ANTXR1: variants seen among roughly 807,000 people sequenced by gnomAD.
ANTXR1 encodes anthrax toxin receptor 1.
In ANTXR1, 19 loss-of-function variants were observed where a neutral mutation model predicts 78.1. The observed-to-expected ratio is 0.24, with a 90% CI of 0.17 to 0.36. The LOEUF is 0.36. Among genes scored for constraint, ANTXR1 ranks in the 10% least tolerant of loss-of-function variants. The probability of loss-of-function intolerance (pLI) is 1.00; values close to 1 mark genes in which losing one functional copy is unlikely to be tolerated. For missense variants in ANTXR1, 518 were observed against 718.6 expected (o/e 0.72, Z 3.19); for synonymous variants, 273 against 260.5 (o/e 1.05, Z -0.46).
At chr2:69,234,385 A>C (rs1300275388) in intron 17 of ANTXR1, among the ~76,000 whole-genome samples, 3 of 152,228 alleles carry the variant, frequency 2.0e-5, no homozygotes, top group Non-Finnish European at 4.4e-5. Flanking sequence ...AAAAGATGAA[A>C]TAAATTTGAA....
chr2:69,172,610 A>G (rs370507295), intron 14 of ANTXR1: 7 of 1,087,714 alleles, frequency 6.4e-6, no homozygotes, highest in South Asian at 6.8e-5. Context: ...CCCAACTTTC[A>G]TCAGCTCTAT....
intron 1 of ANTXR1, among the ~76,000 whole-genome samples, chr2:69,028,736 C>T (rs1259714444): frequency 1.3e-5 from 2 of 151,938 alleles, no homozygotes; most frequent in South Asian, 2.1e-4. Flanking sequence ...ACCAGTCTGT[C>T]GTGAGAAAGG....
chr2:69,137,467 G>A (rs1672944600), intron 12 of ANTXR1, among the ~76,000 whole-genome samples: 1 of 152,158 alleles, frequency 6.6e-6, no homozygotes, highest in Non-Finnish European at 1.5e-5. Context: ...GGCTATTCCA[G>A]ATAGTCTTTT....
chr2:69,038,170 A>G (rs1480521901), intron 1 of ANTXR1, among the ~76,000 whole-genome samples: 1 of 152,132 alleles, frequency 6.6e-6, no homozygotes, highest in Non-Finnish European at 1.5e-5. Flanking sequence ...ACTTTTCATG[A>G]CAGGTTACAT....
intron 10 of ANTXR1, among the ~76,000 whole-genome samples, chr2:69,115,318 G>T (rs531321085): frequency 2.0e-5 from 3 of 152,308 alleles, no homozygotes; most frequent in Admixed American, 2.0e-4. Flanking sequence ...TAACAGACAG[G>T]TTGCAAGACT....
intron 15 of ANTXR1, chr2:69,182,105 G>A (rs1674290447): frequency 3.4e-6 from 2 of 584,306 alleles, no homozygotes; most frequent in East Asian, 3.0e-5. Context: ...GGAGAGATAG[G>A]AGGGACAGCC....
intron 8 of ANTXR1, among the ~76,000 whole-genome samples, chr2:69,083,105 A>C (rs1256850573): frequency 2.6e-5 from 4 of 152,174 alleles, no homozygotes; most frequent in African/African-American, 9.6e-5. Context: ...GAAGCAATGT[A>C]ATCCCCTAAT....
chr2:69,114,987 A>G (rs1672095402), intron 10 of ANTXR1, among the ~76,000 whole-genome samples: 1 of 152,194 alleles, frequency 6.6e-6, no homozygotes, highest in Admixed American at 6.5e-5. Context: ...ATATAAAGCC[A>G]TGGTAGACAT....
intron 17 of ANTXR1, among the ~76,000 whole-genome samples, chr2:69,195,441 A>C (rs2104478632): frequency 6.6e-6 from 1 of 152,292 alleles, no homozygotes; most frequent in East Asian, 1.9e-4. Context: ...TTTGGTCTAA[A>C]GTTTCATAGT....
intron 1 of ANTXR1, among the ~76,000 whole-genome samples, chr2:69,031,024 T>C (rs1427346503): frequency 3.3e-5 from 5 of 152,222 alleles, no homozygotes; most frequent in African/African-American, 4.8e-5. Flanking sequence ...ATTTTGTTCA[T>C]GTACTATCAA....
At position 69,045,127 on chromosome 2, in the gene ANTXR1, G is replaced by A. The variant is rs1339958440; in HGVS notation, c.296+314G>A. On this transcript the variant is annotated intron_variant, in intron 3 of 17. Transcript: ENST00000303714. The stretch of plus-strand genomic sequence containing the variant: ...AATGTTGGCAAACCATATTATTGGG[G>A]GACTATATTTTCTTTTACTTAAGTT... Among the ~76,000 whole-genome samples, 8 of 152,022 alleles carry A rather than the reference G, an allele frequency of 5.3e-5. 1 individual carries two copies. The highest frequency in any genetic ancestry group is 3.9e-4 in the Admixed American group (6 of 15,254).
intron 17 of ANTXR1, among the ~76,000 whole-genome samples, chr2:69,207,027 A>G (rs1269298412): frequency 6.6e-6 from 1 of 152,170 alleles, no homozygotes; most frequent in Non-Finnish European, 1.5e-5. Flanking sequence ...ATCCAGCAAC[A>G]TTGCTGTGTT....
intron 16 of ANTXR1, chr2:69,182,992 A>AG (rs1241146798): frequency 3.4e-6 from 1 of 298,172 alleles, no homozygotes; most frequent in Non-Finnish European, 6.3e-6. Flanking sequence ...AAAAAAAAAA[A>AG]AAAATCACCA....
At chr2:69,068,046 C>A (rs985425702) in intron 3 of ANTXR1, among the ~76,000 whole-genome samples, 3 of 152,184 alleles carry the variant, frequency 2.0e-5, no homozygotes, top group Non-Finnish European at 4.4e-5. Flanking sequence ...TCAGGTCCTG[C>A]TTGGCCTCCT....
chr2:69,182,980 T>TTAAAA (rs546791134), intron 16 of ANTXR1: 9 of 206,142 alleles, frequency 4.4e-5, no homozygotes, highest in African/African-American at 2.4e-4. Flanking sequence ...TGTTCCATAT[T>TTAAAA]AAAAAAAAAA....
At chr2:69,038,027 C>A (rs1669496838) in intron 1 of ANTXR1, among the ~76,000 whole-genome samples, 1 of 152,140 alleles carries the variant, frequency 6.6e-6, no homozygotes, top group African/African-American at 2.4e-5. Flanking sequence ...GATCCTTCTC[C>A]CCTTGTCTTC....
chr2:69,139,557 A>G (rs1558591265), intron 12 of ANTXR1, among the ~76,000 whole-genome samples: 1 of 152,188 alleles, frequency 6.6e-6, no homozygotes, highest in East Asian at 1.9e-4. Flanking sequence ...ACATTGCTTT[A>G]AGGAATTGAT....
chr2:69,076,363 A>G (rs1670730759), intron 7 of ANTXR1, among the ~76,000 whole-genome samples: 1 of 152,236 alleles, frequency 6.6e-6, no homozygotes, highest in African/African-American at 2.4e-5. Context: ...TTTTCAACAC[A>G]AAAATATGGA....
chr2:69,115,322 C>T (rs1000712964), intron 10 of ANTXR1, among the ~76,000 whole-genome samples: 2 of 152,366 alleles, frequency 1.3e-5, no homozygotes, highest in East Asian at 1.9e-4. Context: ...AGACAGGTTG[C>T]AAGACTCACT....
Sources: allele counts gnomAD v4.1 joint callset (sites outside exome capture counted in the v4.1 genomes callset), GRCh38; gene constraint gnomAD v4.1.1; transcripts MANE v1.5; gene names NCBI Gene and HGNC (gene_info 2026-07-23, HGNC 2026-07-21).